The following THBS2 variants were observed in gnomAD, a reference collection of about 807,000 sequenced individuals.
THBS2 encodes the protein thrombospondin-2.
Under a neutral mutation model 135.2 loss-of-function variants are expected in THBS2, and 47 were observed. The ratio of observed to expected loss-of-function variants is 0.35; its 90% CI spans 0.28 to 0.44. The LOEUF (loss-of-function observed/expected upper bound fraction) is 0.44, where lower values mean the gene tolerates loss of function less well. THBS2 is among the 20% of genes least tolerant of loss of function. THBS2 has a pLI of 1.00. For synonymous variants in THBS2, 639 were observed against 633.8 expected, an observed-to-expected ratio of 1.01 and a Z score of -0.12; for missense variants, 1,288 against 1,603.1, an observed-to-expected ratio of 0.80 and a Z score of 3.36.
Position 169,234,785 on chromosome 6 carries a change from C to T in THBS2, c.1600G>A (p.Val534Met), listed in dbSNP as rs147420892. 24 of 1,609,326 alleles carry T rather than the reference C, an allele frequency of 1.5e-5. No homozygotes were observed. Among genetic ancestry groups the T allele is most frequent in the Middle Eastern group, 3.3e-4 (2 of 6,048 alleles). Residue 534 changes from valine to methionine, a missense_variant, in exon 10 of 22, where the codon GTG becomes ATG. Around this residue, in one of 2 missense-constraint regions of THBS2, gnomAD observed 874 missense variants for 1,156.1 expected, o/e 0.76. Transcript: ENST00000617924. The part of the protein sequence containing the change: ...PEPQYGGKAC[V>M]GDVQERQMCN... ...ATCTGACGCTCCTGCACATCCCCCA[C>T]GCAGGCCTTCCCTCCGTACTGAGGC... is the stretch of plus-strand genomic sequence containing the variant.
At chr6:169,218,043 T>C (rs1240961498) in intron 21 of THBS2, among the ~76,000 whole-genome samples, 2 of 26,882 alleles carry the variant, frequency 7.4e-5, no homozygotes, top group African/African-American at 3.6e-4. Context: ...GTGGATGAGA[T>C]GGATGGATGG....
In THBS2 at chr6:169,246,218, C is replaced by A. The variant is rs756422151; in HGVS notation, c.673G>T (p.Gly225Cys). The A allele has an allele frequency of 5.6e-6, 9 of 1,613,812 alleles. No homozygotes were observed. Among genetic ancestry groups the A allele is most frequent in the Middle Eastern group, 1.6e-4 (1 of 6,084 alleles). The change falls in exon 4 of 22, where the codon GGT (glycine) becomes TGT (cysteine). Residue 225 changes from glycine to cysteine, a missense_variant. Physicochemically the swap from Gly to Cys is radical, Grantham distance 159. Transcript: ENST00000617924. ...CTACCTCCCTGGCCTTGCTGGCAAC[C>A]CTTCTTGCTTAGAATATCTTCCACA... is the stretch of plus-strand genomic sequence containing the variant. Reference protein sequence around the residue: ...NSVEDILSKKGCQQGQGAEIN... With the variant: ...NSVEDILSKKCCQQGQGAEIN...
chr6:169,237,791 C>T lies in THBS2; in HGVS notation c.1134G>A (p.Val378=). 6.2e-7 allele frequency: 1 copy of T among 1,608,650 alleles called. No individual in the cohort carries two copies. The highest frequency in any genetic ancestry group is 8.5e-7 in the Non-Finnish European group (1 of 1,179,012). Residue 378 remains valine, a synonymous_variant, in exon 8 of 22, where the codon GTG becomes GTA. Coordinates refer to ENST00000617924, the MANE Select transcript of THBS2 (RefSeq NM_003247.5). ...GECCPSCLHS[V]DGEEGWSPWA... ...ACGGAGACCAGCCCTCCTCACCGTC[C>T]ACCGCTGCCAGAGGAAGCAAACACG... is the stretch of plus-strand genomic sequence containing the variant.
chr6:169,243,897 A>T (rs1050711687), intron 4 of THBS2, among the ~76,000 whole-genome samples: 4 of 152,180 alleles, frequency 2.6e-5, no homozygotes, highest in Admixed American at 1.3e-4. Context: ...CTCACTTTTA[A>T]CAAACAGTGG....
intron 4 of THBS2, among the ~76,000 whole-genome samples, chr6:169,245,488 T>A (rs1289382581): frequency 6.6e-6 from 1 of 152,100 alleles, no homozygotes; most frequent in African/African-American, 2.4e-5. Context: ...TCAACAACTA[T>A]GAACAGTATA....
Position 169,225,829 on chromosome 6 carries a change from A to C in THBS2, c.2538+351T>G, listed in dbSNP as rs1429168636. Reference sequence around the variant, plus strand: ...ATGTTGGCATCAGGAAAATGGGGAGAGAATTCTGTGAAGACACAACCTCGC... The same window carrying C: ...ATGTTGGCATCAGGAAAATGGGGAGCGAATTCTGTGAAGACACAACCTCGC... On this transcript the variant is annotated intron_variant, in intron 16 of 21. Coordinates refer to ENST00000617924, the MANE Select transcript of THBS2 (RefSeq NM_003247.5). Among the ~76,000 whole-genome samples, 3 of 152,368 alleles carry C rather than the reference A, an allele frequency of 2.0e-5. No individual in the cohort carries two copies. In the East Asian group the frequency reaches 5.8e-4, roughly 29 times the overall value.
chr6:169,222,006 A>G (rs1335660341), intron 19 of THBS2, among the ~76,000 whole-genome samples, 191 bp downstream of exon 19: 1 of 152,250 alleles, frequency 6.6e-6, no homozygotes, highest in Non-Finnish European at 1.5e-5. Flanking sequence ...TTAACTGGTA[A>G]TTATCAACTG....
At chr6:169,237,491 C>T in intron 8 of THBS2, 134 bp downstream of exon 8, 1 of 1,504,116 alleles carries the variant, frequency 6.6e-7, no homozygotes, top group South Asian at 1.2e-5. Context: ...GAGAAAGAGC[C>T]TCACCTGGCT....
At chr6:169,221,325 C>G (rs1394299930) in intron 20 of THBS2, 105 bp downstream of exon 20, 1 of 1,023,244 alleles carries the variant, frequency 9.8e-7, no homozygotes, top group East Asian at 2.4e-5. Flanking sequence ...CAGAGTAAAA[C>G]AAAAAGTTAG....
chr6:169,252,541 C>T lies in THBS2; in HGVS notation c.-23+1183G>A, dbSNP rs1404944299. Among the ~76,000 whole-genome samples the T allele has an allele frequency of 1.3e-5, 2 of 152,222 alleles. No individual in the cohort carries two copies. Among genetic ancestry groups the T allele is most frequent in the African/African-American group, 4.8e-5 (2 of 41,462 alleles). On this transcript the variant is annotated intron_variant, in intron 1 of 21. Coordinates refer to ENST00000617924, the MANE Select transcript of THBS2 (RefSeq NM_003247.5). The surrounding 1 kb of genome is among the most constrained non-coding windows in gnomAD (Gnocchi z 4.3). Reference sequence around the variant, plus strand: ...CTAAATCAAACTCCTTTGACGAAACCAGATCCTACTGTCTCTGCCTTGAGG... The same window carrying T: ...CTAAATCAAACTCCTTTGACGAAACTAGATCCTACTGTCTCTGCCTTGAGG...
At position 169,215,981 on chromosome 6, in the gene THBS2, A is replaced by G. The variant is rs1779158189; in HGVS notation, c.*1841T>C. The G allele has an allele frequency of 6.6e-6, 1 of 152,504 alleles. No homozygotes were observed. The allele number at this position is 152,504 out of a possible 1,614,324, so 9.4% of individuals were successfully genotyped here. On this transcript the variant is annotated 3_prime_UTR_variant, in exon 22 of 22. Transcript: ENST00000617924. ...TAGAAAAACATAAATAATTTACAAA[A>G]AATATGGTACATTCTAAATACTCAC...
chr6:169,234,858 G>A lies in THBS2; in HGVS notation c.1527C>T (p.Thr509=). 1.2e-6 allele frequency: 2 copies of A among 1,613,046 alleles called. No homozygotes were observed. The highest frequency in any genetic ancestry group is 1.7e-6 in the Non-Finnish European group (2 of 1,179,694). Residue 509 remains threonine (T), a synonymous_variant, in exon 10 of 22, where the codon ACC becomes ACT. Transcript: ENST00000617924. ...TGCGCTCCCGGATCCCACCGGCACA[G>A]GTGACAGTGCAGGCCGACCACGGGG... is the stretch of plus-strand genomic sequence containing the variant. ...PWSPWSACTV[T]CAGGIRERTR...
intron 8 of THBS2, 119 bp from the exon 9 acceptor site, chr6:169,237,465 C>CCCT: frequency 1.3e-6 from 2 of 1,483,388 alleles, no homozygotes; most frequent in Admixed American, 1.9e-5. Context: ...GAAGGAGAAC[C>CCCT]CCTCCCATCA....
chr6:169,238,540 GATTAT>G (rs1780185148), intron 7 of THBS2, among the ~76,000 whole-genome samples: 1 of 152,202 alleles, frequency 6.6e-6, no homozygotes, highest in Non-Finnish European at 1.5e-5. Context: ...TGATTATCAA[GATTAT>G]ATTTTTATGC....
rs1334976196 is a variant in THBS2 at position 169,241,403 on chromosome 6, G to A, written c.891+359C>T. Among the ~76,000 whole-genome samples, 1 of 113,528 alleles carries A rather than the reference G, an allele frequency of 8.8e-6. No homozygotes were observed. Among genetic ancestry groups the A allele is most frequent in the East Asian group, 2.5e-4 (1 of 4,010 alleles). 74.5% of individuals were successfully genotyped at this position (113,528 alleles called of 152,430 possible). On this transcript the variant is annotated intron_variant, in intron 5 of 21. Coordinates refer to ENST00000617924, the MANE Select transcript of THBS2 (RefSeq NM_003247.5). The surrounding 1 kb of genome is among the most constrained non-coding windows in gnomAD (Gnocchi z 5.5). ...AATAAAATTATTTTCCTCTGCAGGT[G>A]TGTGTGTGTGTGTATGTGTGTGTAT...
chr6:169,238,078 T>C (rs1780168565), intron 7 of THBS2, among the ~76,000 whole-genome samples: 1 of 152,234 alleles, frequency 6.6e-6, no homozygotes, highest in South Asian at 2.1e-4. Context: ...TAAATCCATG[T>C]GTGTCCAGGA....
intron 17 of THBS2, 52 bp downstream of exon 17, chr6:169,225,093 G>A: frequency 1.3e-6 from 2 of 1,563,270 alleles, no homozygotes; most frequent in Non-Finnish European, 8.8e-7. Context: ...TGCCCTGGCG[G>A]GTTGCTCAGA....
chr6:169,224,707 T>A (rs772537789), intron 17 of THBS2, among the ~76,000 whole-genome samples: 3 of 152,222 alleles, frequency 2.0e-5, no homozygotes, highest in Non-Finnish European at 2.9e-5. Flanking sequence ...TGCTCACTGC[T>A]GAGCAAAGCA....
intron 19 of THBS2, 64 bp from the exon 20 acceptor site, chr6:169,221,591 ACACCAAG>A: frequency 6.8e-7 from 1 of 1,466,386 alleles, no homozygotes. Context: ...CAGCTCTGTA[ACACCAAG>A]CAGGAAGCAA....
Sources: gnomAD v4.1 joint callset for allele counts (sites outside exome capture counted in the v4.1 genomes callset) on GRCh38, gnomAD v4.1.1 for gene constraint, gnomAD v4.1.1 regional missense constraint, Gnocchi (gnomAD v3.1) non-coding constraint, MANE v1.5 for transcripts, NCBI Gene and HGNC (gene_info 2026-07-23, HGNC 2026-07-21) for gene names.